BACH2: variants seen among roughly 807,000 people sequenced by gnomAD.
BACH2 encodes the protein BACH transcriptional regulator 2.
A neutral mutation model predicts 61.8 loss-of-function variants in BACH2; 5 were observed. The ratio of observed to expected loss-of-function variants is 0.08; its 90% CI spans 0.04 to 0.17. BACH2 has a LOEUF of 0.17. BACH2 is among the 10% of genes least tolerant of loss of function. BACH2 has a pLI of 1.00. For synonymous variants in BACH2, 446 were observed against 440.1 expected (o/e 1.01, Z -0.17); for missense variants, 824 against 1,091.1 (o/e 0.76, Z 3.45).
At chr6:90,058,476 A>T (rs1780492618) in intron 5 of BACH2, among the ~76,000 whole-genome samples, 1 of 152,222 alleles carries the variant, frequency 6.6e-6, no homozygotes, top group Admixed American at 6.5e-5. Context: ...ATAAAAGAGG[A>T]TATAAACAAA....
At chr6:89,986,963 T>C (rs1776276170) in intron 6 of BACH2, among the ~76,000 whole-genome samples, 1 of 152,192 alleles carries the variant, frequency 6.6e-6, no homozygotes, top group Non-Finnish European at 1.5e-5. Flanking sequence ...GAGTAGCTGC[T>C]TGATGGATCA....
At chr6:90,174,354 T>C (rs552200695) in intron 4 of BACH2, among the ~76,000 whole-genome samples, 22 of 152,106 alleles carry the variant, frequency 1.4e-4, no homozygotes, top group African/African-American at 5.3e-4. Flanking sequence ...AAATACAACA[T>C]TCATCATTCA....
intron 1 of BACH2, among the ~76,000 whole-genome samples, chr6:90,292,957 T>C (rs1772227362): frequency 6.6e-6 from 1 of 152,182 alleles, no homozygotes. Context: ...ATGAGTTGAG[T>C]AGGGGCGGCC....
intron 3 of BACH2, among the ~76,000 whole-genome samples, chr6:90,245,992 AG>A (rs777073552): frequency 1.1e-4 from 16 of 152,178 alleles, no homozygotes; most frequent in Non-Finnish European, 2.2e-4. Flanking sequence ...CAGCAAGAGA[AG>A]CTATCAAGGG....
intron 4 of BACH2, among the ~76,000 whole-genome samples, chr6:90,114,386 C>G (rs1256872378): frequency 6.6e-6 from 1 of 152,158 alleles, no homozygotes; most frequent in Non-Finnish European, 1.5e-5. Flanking sequence ...ACATGTGATT[C>G]ATCCCATAAA....
chr6:89,935,560 A>C (rs139184319), intron 8 of BACH2, among the ~76,000 whole-genome samples: 1 of 152,386 alleles, frequency 6.6e-6, no homozygotes, highest in African/African-American at 2.4e-5. Context: ...TCACAGACGT[A>C]CACTGATGAA....
chr6:90,163,275 G>A (rs1441738549), intron 4 of BACH2, among the ~76,000 whole-genome samples: 1 of 152,022 alleles, frequency 6.6e-6, no homozygotes. Flanking sequence ...CCACAGTGGC[G>A]TTTTTTTACT....
chr6:90,225,084 C>T (rs1011294261), intron 3 of BACH2, among the ~76,000 whole-genome samples: 10 of 152,038 alleles, frequency 6.6e-5, no homozygotes, highest in African/African-American at 1.9e-4. Context: ...ACAACAACAA[C>T]AACAACAACA....
intron 4 of BACH2, among the ~76,000 whole-genome samples, chr6:90,098,610 CAT>C (rs1782482053): frequency 6.6e-6 from 1 of 152,202 alleles, no homozygotes; most frequent in South Asian, 2.1e-4. Context: ...AACATTTCCA[CAT>C]GATAGCAAGA....
chr6:90,103,006 CAT>C (rs1250122835), intron 4 of BACH2, among the ~76,000 whole-genome samples: 15 of 44,938 alleles, frequency 3.3e-4, no homozygotes, highest in African/African-American at 1.4e-3. Context: ...TGACACAATA[CAT>C]ATATATATAT....
intron 4 of BACH2, among the ~76,000 whole-genome samples, chr6:90,166,032 T>C (rs1767603022): frequency 1.3e-5 from 2 of 151,926 alleles, no homozygotes; most frequent in South Asian, 4.2e-4. Context: ...CCAAAAGCAA[T>C]GGCAACAAAA....
chr6:90,177,222 C>T (rs1768010292), intron 4 of BACH2, among the ~76,000 whole-genome samples: 1 of 152,148 alleles, frequency 6.6e-6, no homozygotes, highest in South Asian at 2.1e-4. Context: ...ACATTCAATG[C>T]ACACTATTTT....
chr6:90,217,710 A>AG (rs1480988484), intron 3 of BACH2, among the ~76,000 whole-genome samples: 2 of 152,230 alleles, frequency 1.3e-5, no homozygotes, highest in African/African-American at 4.8e-5. Context: ...GCAAATTTGA[A>AG]GGAAAAAAAG....
intron 3 of BACH2, among the ~76,000 whole-genome samples, chr6:90,218,396 G>C (rs569370155): frequency 8.5e-5 from 13 of 152,196 alleles, no homozygotes; most frequent in African/African-American, 2.6e-4. Context: ...GCATTCCTCA[G>C]TCTAGCTGCC....
intron 3 of BACH2, among the ~76,000 whole-genome samples, chr6:90,235,336 CTG>C (rs1481590568): frequency 1.3e-5 from 2 of 152,160 alleles, no homozygotes; most frequent in Non-Finnish European, 2.9e-5. Context: ...GTTTCCCAGT[CTG>C]TAAAAACAGA....
At chr6:90,245,186 G>A (rs949229630) in intron 3 of BACH2, among the ~76,000 whole-genome samples, 1 of 151,208 alleles carries the variant, frequency 6.6e-6, no homozygotes, top group Non-Finnish European at 1.5e-5. Context: ...GTGACAGAGT[G>A]AGATTCTGTC....
chr6:89,946,839 T>C (rs1299144595), intron 7 of BACH2, among the ~76,000 whole-genome samples: 1 of 152,168 alleles, frequency 6.6e-6, no homozygotes, highest in Non-Finnish European at 1.5e-5. Flanking sequence ...TAAAAAAGAA[T>C]GTCATTTTAA....
intron 6 of BACH2, among the ~76,000 whole-genome samples, chr6:89,959,262 ACATGGTCAG>A (rs1209579731): frequency 2.6e-5 from 4 of 152,088 alleles, no homozygotes. Context: ...GGGCTGAAAA[ACATGGTCAG>A]CCCACCAAGG....
At chr6:90,197,216 A>T (rs1768789925) in intron 4 of BACH2, among the ~76,000 whole-genome samples, 2 of 152,254 alleles carry the variant, frequency 1.3e-5, no homozygotes, top group Non-Finnish European at 2.9e-5. Context: ...TATACGTTAT[A>T]AGGCCTCTGT....
Sources: gnomAD v4.1 joint callset for allele counts (sites outside exome capture counted in the v4.1 genomes callset) on GRCh38, gnomAD v4.1.1 for gene constraint, MANE v1.5 for transcripts, NCBI Gene and HGNC (gene_info 2026-07-23, HGNC 2026-07-21) for gene names.